KIRREL3: variants seen among roughly 807,000 people sequenced by gnomAD.
KIRREL3 encodes the protein kin of IRRE-like protein 3.
KIRREL3 carries 36 observed loss-of-function variants against 89.7 expected under a neutral mutation model. That is an observed-to-expected ratio of 0.40 (90% CI 0.31 to 0.53). The LOEUF is 0.53. Ranked by LOEUF, KIRREL3 falls within the 20% of genes least tolerant of loss-of-function variation. KIRREL3 has a pLI of 0.49. For synonymous variants in KIRREL3, 445 were observed against 441.4 expected (o/e 1.01, Z -0.10); for missense variants, 864 against 1,056.6 (o/e 0.82, Z 2.53).
Position 126,697,352 on chromosome 11 carries a change from A to T in KIRREL3, c.56-134440T>A, listed in dbSNP as rs1947141444. On this transcript the variant is annotated intron_variant, in intron 1 of 16. Transcript: ENST00000525144. This position sits in a 1 kb window ranked among gnomAD's most constrained non-coding sequence, Gnocchi z 4.2. ...GCACAGGGTGGGCACTTAGTCCCTG[A>T]CTTGGACAAGCCACTCAACCCCTAG... 6.6e-6 allele frequency among the ~76,000 whole-genome samples: 1 copy of T among 152,226 alleles called. No individual in the cohort carries two copies. The highest frequency in any genetic ancestry group is 2.4e-5 in the African/African-American group (1 of 41,460).
rs998902365 is a variant in KIRREL3, at chr11:126,924,907, ATG to A, written c.55+75546_55+75547del. Among the ~76,000 whole-genome samples the A allele has an allele frequency of 2.7e-5, 4 of 148,588 alleles. No individual in the cohort carries two copies. The highest frequency in any genetic ancestry group is 4.5e-5 in the Non-Finnish European group (3 of 67,320). On this transcript the variant is annotated intron_variant, in intron 1 of 16. Coordinates refer to ENST00000525144, the MANE Select transcript of KIRREL3 (RefSeq NM_032531.4). The surrounding 1 kb of genome is among the most constrained non-coding windows in gnomAD (Gnocchi z 4.7). ...ATTCGGTGTGACTGTGGCTCTGTGT[ATG>A]TGTGTGTGTGTACATGCTTATGTGT...
At position 126,948,479 on chromosome 11, in the gene KIRREL3, G is replaced by C. The variant is rs569366896; in HGVS notation, c.55+51976C>G. Among the ~76,000 whole-genome samples the C allele has an allele frequency of 2.0e-5, 3 of 152,258 alleles. No individual in the cohort carries two copies. The highest frequency in any genetic ancestry group is 7.2e-5 in the African/African-American group (3 of 41,552). On this transcript the variant is annotated intron_variant, in intron 1 of 16. Transcript: ENST00000525144. The surrounding 1 kb of genome is among the most constrained non-coding windows in gnomAD (Gnocchi z 4.5). ...CTAGAAATACTATGCAGGGACTCTT[G>C]TTCATAGTGCAATGCCCAAAGAACT... is the stretch of plus-strand genomic sequence containing the variant.
chr11:126,692,953 C>T (rs1591970854), intron 1 of KIRREL3, among the ~76,000 whole-genome samples: 1 of 152,228 alleles, frequency 6.6e-6, no homozygotes, highest in African/African-American at 2.4e-5. Context: ...CTTGCTTTGG[C>T]CCATAGCCTG....
At chr11:126,781,297 C>A (rs1950317804) in intron 1 of KIRREL3, among the ~76,000 whole-genome samples, 1 of 152,128 alleles carries the variant, frequency 6.6e-6, no homozygotes, top group Non-Finnish European at 1.5e-5. Context: ...TTTTTCTTAA[C>A]ATTCCTTTTC....
In KIRREL3 at chr11:126,432,961, C is replaced by T. The variant is rs1217694175; in HGVS notation, c.1589-1435G>A. Among the ~76,000 whole-genome samples, 3 of 152,292 alleles carry T rather than the reference C, an allele frequency of 2.0e-5. No homozygotes were observed. The highest frequency in any genetic ancestry group is 4.4e-5 in the Non-Finnish European group (3 of 68,028). On this transcript the variant is annotated intron_variant, in intron 13 of 16. Transcript: ENST00000525144. This position sits in a 1 kb window ranked among gnomAD's most constrained non-coding sequence, Gnocchi z 6.2. ...TGGCACGATCTCAGTTCACTGCAAC[C>T]TCCGCCTCCTGGGTTCAAGCGATTC... is the stretch of plus-strand genomic sequence containing the variant.
rs1183182335 is a variant in KIRREL3, at chr11:126,575,310, GGGCCTTCTCACAGTAGTGTGGGT to G, written c.56-12421_56-12399del. On this transcript the variant is annotated intron_variant, in intron 1 of 16. Transcript: ENST00000525144. The surrounding 1 kb of genome is among the most constrained non-coding windows in gnomAD (Gnocchi z 7.0). ...TTGGACCATTGATCCCACAGCCCTG[GGGCCTTCTCACAGTAGTGTGGGT>G]GTCACAACCACCTCTTAGCTCTTGA... Among the ~76,000 whole-genome samples, 1 of 152,148 alleles carries G rather than the reference GGGCCTTCTCACAGTAGTGTGGGT, an allele frequency of 6.6e-6. No homozygotes were observed. The highest frequency in any genetic ancestry group is 1.5e-5 in the Non-Finnish European group (1 of 68,038).
Position 126,808,344 on chromosome 11 carries a change from C to G in KIRREL3, c.55+192111G>C, listed in dbSNP as rs1951270442. Among the ~76,000 whole-genome samples the G allele has an allele frequency of 6.6e-6, 1 of 152,202 alleles. No individual in the cohort carries two copies. The highest frequency in any genetic ancestry group is 1.5e-5 in the Non-Finnish European group (1 of 68,032). ...CAAGCTACAATGGGGGTGCAGCTTT[C>G]AAGGAGTCATTTCAGCAATTTAGTC... On this transcript the variant is annotated intron_variant, in intron 1 of 16. Transcript: ENST00000525144. The surrounding 1 kb of genome is among the most constrained non-coding windows in gnomAD (Gnocchi z 4.1).
chr11:126,508,912 C>A lies in KIRREL3; in HGVS notation c.433+12403G>T, dbSNP rs1308872860. ...ACCAGCGTCACCCTTGCCCTTCTCT[C>A]TTCTCTCCACTCGAGCAACTCACAA... On this transcript the variant is annotated intron_variant, in intron 4 of 16. Coordinates refer to ENST00000525144, the MANE Select transcript of KIRREL3 (RefSeq NM_032531.4). The surrounding 1 kb of genome is among the most constrained non-coding windows in gnomAD (Gnocchi z 4.9). 1.3e-5 allele frequency among the ~76,000 whole-genome samples: 2 copies of A among 152,182 alleles called. No homozygotes were observed. The highest frequency in any genetic ancestry group is 2.9e-5 in the Non-Finnish European group (2 of 68,036).
chr11:126,434,055 C>T (rs1480750219), intron 13 of KIRREL3, among the ~76,000 whole-genome samples: 1 of 152,204 alleles, frequency 6.6e-6, no homozygotes, highest in African/African-American at 2.4e-5. Context: ...CCTGTGGGGG[C>T]GAGTGCCCCG....
intron 4 of KIRREL3, among the ~76,000 whole-genome samples, chr11:126,497,217 AGAGTGAGT>A (rs1307576091): frequency 1.1e-4 from 6 of 56,294 alleles, no homozygotes; most frequent in Admixed American, 7.5e-4. Flanking sequence ...TGAGTGTGTG[AGAGTGAGT>A]GTGTGTGAGA....
chr11:126,496,692 A>G lies in KIRREL3; in HGVS notation c.434-23226T>C, dbSNP rs1380424750. ...CTGAGGGCTACTCTTGGCTTCTTGT[A>G]TCTGCCAAAACCCAAACAGAAGCGC... is the stretch of plus-strand genomic sequence containing the variant. On this transcript the variant is annotated intron_variant, in intron 4 of 16. Coordinates refer to ENST00000525144, the MANE Select transcript of KIRREL3 (RefSeq NM_032531.4). The surrounding 1 kb of genome is among the most constrained non-coding windows in gnomAD (Gnocchi z 4.9). Among the ~76,000 whole-genome samples the G allele has an allele frequency of 6.6e-6, 1 of 152,020 alleles. No homozygotes were observed. The highest frequency in any genetic ancestry group is 1.9e-4 in the East Asian group (1 of 5,180).
In KIRREL3 at chr11:126,729,053, C is replaced by G. The variant is rs1444154439; in HGVS notation, c.56-166141G>C. 1.3e-5 allele frequency among the ~76,000 whole-genome samples: 2 copies of G among 152,186 alleles called. No individual in the cohort carries two copies. Among genetic ancestry groups the G allele is most frequent in the South Asian group, 4.1e-4 (2 of 4,828 alleles). ...GCCTGTTGCAGGCTTGGAGTGGGCC[C>G]TGGGGAGGGGCAGTACCCTCTAGGC... On this transcript the variant is annotated intron_variant, in intron 1 of 16. Coordinates refer to ENST00000525144, the MANE Select transcript of KIRREL3 (RefSeq NM_032531.4). The surrounding 1 kb of genome is among the most constrained non-coding windows in gnomAD (Gnocchi z 4.5).
rs1949916255 is a variant in KIRREL3, at chr11:126,987,959, G to GCT, written c.55+12494_55+12495dup. Reference sequence around the variant, plus strand: ...GAATCATAGGCTCTATGACACTCAGGCTCTCCTACATTCTAAGAGTCTTTT... The same window carrying GCT: ...GAATCATAGGCTCTATGACACTCAGGCTCTCTCCTACATTCTAAGAGTCTTTT... On this transcript the variant is annotated intron_variant, in intron 1 of 16. Transcript: ENST00000525144. The surrounding 1 kb of genome is among the most constrained non-coding windows in gnomAD (Gnocchi z 4.6). 6.6e-6 allele frequency among the ~76,000 whole-genome samples: 1 copy of GCT among 152,044 alleles called. No homozygotes were observed. Among genetic ancestry groups the GCT allele is most frequent in the South Asian group, 2.1e-4 (1 of 4,812 alleles).
chr11:126,434,485 AG>A (rs1214001330), intron 13 of KIRREL3, among the ~76,000 whole-genome samples: 1 of 152,168 alleles, frequency 6.6e-6, no homozygotes, highest in Non-Finnish European at 1.5e-5. Context: ...GTCTGCCAGG[AG>A]GGGCAGAGGC....
chr11:126,485,009 G>C lies in KIRREL3; in HGVS notation c.434-11543C>G, dbSNP rs1334650711. Among the ~76,000 whole-genome samples the C allele has an allele frequency of 6.6e-6, 1 of 152,000 alleles. No homozygotes were observed. Among genetic ancestry groups the C allele is most frequent in the Admixed American group, 6.5e-5 (1 of 15,270 alleles). Reference sequence around the variant, plus strand: ...ATTTTTTGGTACTTTTGGTGGAGACGGGGTTTCGTCATGTTGGCCAGGCTG... The same window carrying C: ...ATTTTTTGGTACTTTTGGTGGAGACCGGGTTTCGTCATGTTGGCCAGGCTG... On this transcript the variant is annotated intron_variant, in intron 4 of 16. Coordinates refer to ENST00000525144, the MANE Select transcript of KIRREL3 (RefSeq NM_032531.4). This position sits in a 1 kb window ranked among gnomAD's most constrained non-coding sequence, Gnocchi z 5.8.
chr11:126,889,370 A>T (rs1945819693), intron 1 of KIRREL3, among the ~76,000 whole-genome samples: 1 of 152,216 alleles, frequency 6.6e-6, no homozygotes. Flanking sequence ...AATTACATTG[A>T]CATTCGTCAT....
At position 126,943,675 on chromosome 11, in the gene KIRREL3, T is replaced by A. The variant is rs1948527918; in HGVS notation, c.55+56780A>T. On this transcript the variant is annotated intron_variant, in intron 1 of 16. Transcript: ENST00000525144. The surrounding 1 kb of genome is among the most constrained non-coding windows in gnomAD (Gnocchi z 4.2). ...GACTGCAGGGTCACCAGGGCCAGAA[T>A]GACTGATGTGAGGGGTCAAGGGCAG... Among the ~76,000 whole-genome samples the A allele has an allele frequency of 6.6e-6, 1 of 152,160 alleles. No homozygotes were observed. The highest frequency in any genetic ancestry group is 6.5e-5 in the Admixed American group (1 of 15,288).
At chr11:126,671,040 A>G (rs1184655751) in intron 1 of KIRREL3, among the ~76,000 whole-genome samples, 1 of 152,220 alleles carries the variant, frequency 6.6e-6, no homozygotes, top group Non-Finnish European at 1.5e-5. Context: ...ATAAAGGGAC[A>G]GTGTTTTCAA....
chr11:126,699,358 A>T (rs962402696), intron 1 of KIRREL3, among the ~76,000 whole-genome samples: 1 of 152,246 alleles, frequency 6.6e-6, no homozygotes, highest in African/African-American at 2.4e-5. Context: ...ACAAATATTG[A>T]TAGTGTTCCC....
Sources: gnomAD v4.1 joint callset for allele counts (sites outside exome capture counted in the v4.1 genomes callset) on GRCh38, gnomAD v4.1.1 for gene constraint, Gnocchi (gnomAD v3.1) non-coding constraint, MANE v1.5 for transcripts, NCBI Gene and HGNC (gene_info 2026-07-23, HGNC 2026-07-21) for gene names.